MAEA: variants seen among roughly 807,000 people sequenced by gnomAD.
The protein encoded by MAEA is E3 ubiquitin-protein transferase MAEA.
MAEA carries 22 observed loss-of-function variants against 46.2 expected under a neutral mutation model. The observed-to-expected ratio is 0.48, with a 90% CI of 0.34 to 0.68. The LOEUF (loss-of-function observed/expected upper bound fraction) is 0.68, where lower values mean the gene tolerates loss of function less well. Among genes scored for constraint, MAEA ranks in the 30% least tolerant of loss-of-function variants. MAEA has a pLI of 0.01. For missense variants in MAEA, 393 were observed against 558.1 expected (o/e 0.70, Z 2.98); for synonymous variants, 246 against 222.6 (o/e 1.11, Z -0.94).
At chr4:1,314,635 G>C (rs1736903608) in intron 2 of MAEA, among the ~76,000 whole-genome samples, 1 of 152,226 alleles carries the variant, frequency 6.6e-6, no homozygotes, top group Non-Finnish European at 1.5e-5. Flanking sequence ...GTACCACCAG[G>C]TCAGAATCCG....
chr4:1,309,608 T>C, intron 1 of MAEA: 4 of 1,513,786 alleles, frequency 2.6e-6, no homozygotes, highest in Non-Finnish European at 3.5e-6. Context: ...GGGAGGAGCG[T>C]GCGCAGAGGC....
At chr4:1,329,275 C>T in intron 5 of MAEA, 1 of 983,064 alleles carries the variant, frequency 1.0e-6, no homozygotes, top group Non-Finnish European at 1.2e-6. Flanking sequence ...TGTGTTCCCC[C>T]CGCTCCGCGT....
chr4:1,313,229 T>A (rs1736733409), intron 2 of MAEA, among the ~76,000 whole-genome samples: 2 of 152,246 alleles, frequency 1.3e-5, no homozygotes, highest in African/African-American at 4.8e-5. Context: ...AGATTCTTTC[T>A]TGGGGAGGAT....
chr4:1,323,953 T>C (rs950957403), intron 4 of MAEA, among the ~76,000 whole-genome samples: 4 of 151,528 alleles, frequency 2.6e-5, no homozygotes, highest in South Asian at 2.1e-4. Context: ...TGCCTGGTGT[T>C]GGATAAGTTG....
rs146998728 is a variant in MAEA, at chr4:1,318,952, C to G, written c.456+3352C>G. ...CAGGAACAGGACAGGAAGCTGCTGCCCAGGGAAGGCCACACAGGAACAGGA... is the reference window on the plus strand; with the variant it reads ...CAGGAACAGGACAGGAAGCTGCTGCGCAGGGAAGGCCACACAGGAACAGGA... On this transcript the variant is annotated intron_variant, in intron 3 of 8. Coordinates refer to ENST00000303400, the MANE Select transcript of MAEA (RefSeq NM_001017405.3). Among the ~76,000 whole-genome samples, 594 of 114,868 alleles carry G rather than the reference C, an allele frequency of 5.2e-3. 6 individuals are homozygous for G. Among genetic ancestry groups the G allele is most frequent in the African/African-American group, 0.022 (569 of 26,326 alleles). 75.4% of individuals were successfully genotyped at this position (114,868 alleles called of 152,430 possible). A position where few individuals can be genotyped will look rare whatever the true frequency, so the allele number is the denominator to read the frequency against.
intron 1 of MAEA, among the ~76,000 whole-genome samples, chr4:1,308,644 T>G (rs1004103548): frequency 6.6e-6 from 1 of 152,236 alleles, no homozygotes; most frequent in Admixed American, 6.5e-5. Flanking sequence ...CGTCTGCACT[T>G]GTGTCTCCTG....
rs575075038 is a variant in MAEA, at chr4:1,303,399, C to CAAAAAAAAAA, written c.70-8577_70-8568dup. ...CCTGGGCGACAGTGAGACTCTGTCT[C>CAAAAAAAAAA]AAAAAAAAAAAAGAATGTCATGTCC... On this transcript the variant is annotated intron_variant, in intron 1 of 8. Coordinates refer to ENST00000303400, the MANE Select transcript of MAEA (RefSeq NM_001017405.3). Among the ~76,000 whole-genome samples, 558 of 116,474 alleles carry CAAAAAAAAAA rather than the reference C, an allele frequency of 4.8e-3. 22 individuals are homozygous for CAAAAAAAAAA. Among genetic ancestry groups the CAAAAAAAAAA allele is most frequent in the South Asian group, 0.038 (131 of 3,474 alleles). The allele number at this position is 116,474 out of a possible 152,430, so 76.4% of individuals were successfully genotyped here.
intron 4 of MAEA, among the ~76,000 whole-genome samples, chr4:1,325,447 GAC>G (rs1157418849): frequency 6.6e-6 from 1 of 152,214 alleles, no homozygotes; most frequent in Non-Finnish European, 1.5e-5. Context: ...TCACGACATA[GAC>G]ACACTTACAT....
At chr4:1,292,673 G>C (rs1734213960) in intron 1 of MAEA, among the ~76,000 whole-genome samples, 1 of 152,102 alleles carries the variant, frequency 6.6e-6, no homozygotes, top group Non-Finnish European at 1.5e-5. Flanking sequence ...TGTGCCCTGG[G>C]GGCATGCACA....
chr4:1,293,381 A>T (rs1734306524), intron 1 of MAEA, among the ~76,000 whole-genome samples: 1 of 151,886 alleles, frequency 6.6e-6, no homozygotes, highest in African/African-American at 2.4e-5. Flanking sequence ...ACAGAGTGAG[A>T]CCCTGTCTCA....
In MAEA at chr4:1,315,546, G is replaced by T. The variant is rs755120537; in HGVS notation, c.402G>T (p.Leu134=). ...ATCGCATGATGGTGGAGCACCTGCT[G>T]CGTTGCGGCTACTACAACACGGCTG... The part of the protein sequence containing the change: ...RMDRMMVEHL[L]RCGYYNTAVK... Residue 134 remains leucine, a synonymous_variant, in exon 3 of 9, where the codon CTG becomes CTT. Transcript: ENST00000303400. 3.1e-6 allele frequency: 5 copies of T among 1,613,808 alleles called. No individual in the cohort carries two copies. Among genetic ancestry groups the T allele is most frequent in the Non-Finnish European group, 4.2e-6 (5 of 1,179,948 alleles).
At chr4:1,318,993 C>T (rs1051390088) in intron 3 of MAEA, among the ~76,000 whole-genome samples, 7 of 151,722 alleles carry the variant, frequency 4.6e-5, no homozygotes, top group African/African-American at 7.3e-5. Flanking sequence ...AGCCTGCTGC[C>T]GAGGGAAGGC....
chr4:1,308,511 C>G (rs1736051032), intron 1 of MAEA, among the ~76,000 whole-genome samples: 1 of 152,238 alleles, frequency 6.6e-6, no homozygotes, highest in South Asian at 2.1e-4. Flanking sequence ...CCTCGCTGCT[C>G]TACACGCTGC....
At chr4:1,337,523 T>C (rs1712944711) in intron 7 of MAEA, 2 of 194,332 alleles carry the variant, frequency 1.0e-5, no homozygotes, top group African/African-American at 2.4e-5. Flanking sequence ...GGTCCCTGCC[T>C]GCGACTCACT....
chr4:1,334,369 A>G (rs1337820458), intron 6 of MAEA, among the ~76,000 whole-genome samples: 1 of 94,718 alleles, frequency 1.1e-5, no homozygotes, highest in Non-Finnish European at 2.2e-5. Flanking sequence ...TGCCTTCTGA[A>G]AGCTGCTGGA....
intron 6 of MAEA, chr4:1,334,775 C>T: frequency 1.5e-6 from 1 of 668,022 alleles, no homozygotes; most frequent in South Asian, 6.8e-5. Flanking sequence ...CAGAGAATGG[C>T]AGAAGCCACC....
At chr4:1,303,493 A>G (rs1735535709) in intron 1 of MAEA, among the ~76,000 whole-genome samples, 1 of 152,132 alleles carries the variant, frequency 6.6e-6, no homozygotes, top group Non-Finnish European at 1.5e-5. Context: ...ATACCACGGA[A>G]GACCATTCAG....
chr4:1,326,877 C>T (rs908983288), intron 4 of MAEA, among the ~76,000 whole-genome samples: 3 of 152,214 alleles, frequency 2.0e-5, no homozygotes, highest in East Asian at 1.9e-4. Context: ...TCCATAACCT[C>T]GGTGCAGGCG....
intron 1 of MAEA, chr4:1,309,414 C>T: frequency 1.6e-6 from 2 of 1,273,016 alleles, no homozygotes; most frequent in African/African-American, 1.5e-5. Context: ...CTGAGTCCCC[C>T]GGAAGAGGAG....
Sources: allele counts gnomAD v4.1 joint callset (sites outside exome capture counted in the v4.1 genomes callset), GRCh38; gene constraint gnomAD v4.1.1; transcripts MANE v1.5; gene names NCBI Gene and HGNC (gene_info 2026-07-23, HGNC 2026-07-21).